The following ARFGAP2 variants were observed in gnomAD, a reference collection of about 807,000 sequenced individuals.
The protein encoded by ARFGAP2 is ARF GTPase activating protein 2.
Under a neutral mutation model 71.9 loss-of-function variants are expected in ARFGAP2, and 45 were observed. The observed-to-expected ratio is 0.63, with a 90% confidence interval of 0.49 to 0.80. The LOEUF (loss-of-function observed/expected upper bound fraction) is 0.80. ARFGAP2 is among the 30% of genes least tolerant of loss of function. ARFGAP2 has a pLI of 0.00. For synonymous variants in ARFGAP2, 248 were observed against 249.2 expected, an observed-to-expected ratio of 1.00 and a Z score of 0.05; for missense variants, 633 against 673.9, an observed-to-expected ratio of 0.94 and a Z score of 0.67.
At chr11:47,173,291 C>G in intron 7 of ARFGAP2, 135 bp downstream of exon 7, 1 of 1,037,530 alleles carries the variant, frequency 9.6e-7, no homozygotes. Flanking sequence ...ATCACAGTCC[C>G]CACTCCAGAG....
intron 2 of ARFGAP2, 24 bp from the exon 3 acceptor site, chr11:47,175,947 C>A (rs1952796533): frequency 6.2e-7 from 1 of 1,612,746 alleles, no homozygotes; most frequent in South Asian, 1.1e-5. Flanking sequence ...CTGCGTCTCA[C>A]CCACTAGCAG....
chr11:47,165,421 C>T lies in ARFGAP2; in HGVS notation c.*61G>A, dbSNP rs1214952878. ...CTTCCACAAGGCAAAGCATCCCCAG[C>T]CTGGGAACTGTGGAGTTCTTGTTGC... On this transcript the variant is annotated 3_prime_UTR_variant, in exon 16 of 16. Transcript: ENST00000524782. 6.5e-7 allele frequency: 1 copy of T among 1,542,544 alleles called. No individual in the cohort carries two copies. The highest frequency in any genetic ancestry group is 1.2e-5 in the South Asian group (1 of 81,440).
chr11:47,171,281 A>AT, intron 10 of ARFGAP2, 145 bp downstream of exon 10: 1 of 1,327,956 alleles, frequency 7.5e-7, no homozygotes, highest in Non-Finnish European at 1.0e-6. Flanking sequence ...CAAGCACTGT[A>AT]TTAGGGACTT....
intron 14 of ARFGAP2, 33 bp from the exon 15 acceptor site, chr11:47,166,419 A>G: frequency 6.2e-7 from 1 of 1,612,366 alleles, no homozygotes; most frequent in Admixed American, 1.7e-5. Flanking sequence ...CCCAGAGCCC[A>G]GCAAGAAGCC....
At chr11:47,175,662 T>G in intron 3 of ARFGAP2, 189 bp downstream of exon 3, 1 of 690,220 alleles carries the variant, frequency 1.4e-6, no homozygotes, top group Non-Finnish European at 2.4e-6. Context: ...CTGCCCAGTT[T>G]AATTGGAATC....
chr11:47,168,409 G>T, intron 10 of ARFGAP2, 158 bp from the exon 11 acceptor site: 1 of 918,820 alleles, frequency 1.1e-6, no homozygotes, highest in African/African-American at 1.7e-5. Flanking sequence ...CCCAACAGAA[G>T]GCTAGCTGTG....
intron 3 of ARFGAP2, chr11:47,175,572 C>G (rs1049284921): frequency 9.5e-6 from 6 of 632,276 alleles, no homozygotes; most frequent in Non-Finnish European, 1.6e-5. Flanking sequence ...CCCAGCCTCC[C>G]CATCCTTCAT....
chr11:47,164,451 A>C lies in ARFGAP2; in HGVS notation c.*1031T>G. ...TGTGTTGCTTGGGAGCCCAACCTAC[A>C]ACCCAAAGGTGGGGGCTGGGCTGAG... On this transcript the variant is annotated 3_prime_UTR_variant, in exon 16 of 16. Transcript: ENST00000524782. The C allele has an allele frequency of 1.9e-6, 1 of 519,330 alleles. No individual in the cohort carries two copies. The highest frequency in any genetic ancestry group is 3.2e-6 in the Non-Finnish European group (1 of 312,192). 32.2% of individuals were successfully genotyped at this position (519,330 alleles called of 1,614,324 possible).
rs138968916 is a variant in ARFGAP2, at chr11:47,173,824, G to A, written c.497C>T (p.Ala166Val). Reference protein sequence around the residue: ...TEHTQPPAWDAPATEPSGTQQ... With the variant: ...TEHTQPPAWDVPATEPSGTQQ... ...GGTCCCTGAAGGCTCAGTGGCTGGC[G>A]CATCCCAGGCAGGGGGCTGAAAAGG... Residue 166 changes from alanine (A) to valine (V), a missense_variant, in exon 6 of 16, where the codon GCG becomes GTG. By Grantham distance (64) the Ala-to-Val change is moderately conservative. Transcript: ENST00000524782. 353 of 1,599,996 alleles carry A rather than the reference G, an allele frequency of 2.2e-4. No homozygotes were observed. The African/African-American group carries it at 4.3e-3, about 20-fold the overall frequency.
rs776297007 is a variant in ARFGAP2 at position 47,176,762 on chromosome 11, C to A, written c.72+20G>T. The A allele has an allele frequency of 6.2e-7, 1 of 1,614,060 alleles. No homozygotes were observed. The highest frequency in any genetic ancestry group is 1.7e-5 in the Admixed American group (1 of 60,026). On this transcript the variant is annotated intron_variant, in intron 1 of 15. Coordinates refer to ENST00000524782, the MANE Select transcript of ARFGAP2 (RefSeq NM_032389.6). ...GGCCCCAGCGGGACGAGAGACTCCG[C>A]GCGCCCCCTGCTCACGCACCTTGTT...
chr11:47,175,332 AGCAGC>A lies in ARFGAP2; in HGVS notation c.265-24_265-20del, dbSNP rs1244265403. 6.8e-6 allele frequency: 11 copies of A among 1,613,886 alleles called. No homozygotes were observed. The highest frequency in any genetic ancestry group is 1.3e-5 in the African/African-American group (1 of 74,922). Reference sequence around the variant, plus strand: ...AAGCCGTCTGGAGAGCAAAGAAGAGAGCAGCGCGTGCTACGGGTGATTCTCAAGAA... The same window carrying A: ...AAGCCGTCTGGAGAGCAAAGAAGAGAGCGTGCTACGGGTGATTCTCAAGAA... On this transcript the variant is annotated intron_variant, in intron 3 of 15. Transcript: ENST00000524782.
chr11:47,174,902 C>G, intron 5 of ARFGAP2, 113 bp downstream of exon 5: 1 of 1,150,720 alleles, frequency 8.7e-7, no homozygotes, highest in Non-Finnish European at 1.3e-6. Flanking sequence ...ACGTGGTGTC[C>G]AAGACATCAC....
chr11:47,175,812 C>G, intron 3 of ARFGAP2, 39 bp downstream of exon 3: 2 of 1,612,844 alleles, frequency 1.2e-6, no homozygotes, highest in Non-Finnish European at 1.7e-6. Context: ...AGTAACCAGG[C>G]AGAAGAATGG....
At chr11:47,176,247 ATG>A in intron 2 of ARFGAP2, 1 of 588,548 alleles carries the variant, frequency 1.7e-6, no homozygotes, top group South Asian at 2.1e-5. Flanking sequence ...AACAAGGTCA[ATG>A]CCTCCCTTTC....
chr11:47,173,020 G>A (rs1590956843), intron 7 of ARFGAP2: 1 of 357,202 alleles, frequency 2.8e-6, no homozygotes, highest in Non-Finnish European at 5.4e-6. Context: ...GACAGGCTGG[G>A]GTACTGGCTG....
chr11:47,172,874 T>G, intron 7 of ARFGAP2: 1 of 937,226 alleles, frequency 1.1e-6, no homozygotes, highest in Non-Finnish European at 1.5e-6. Context: ...TTCTCATGGA[T>G]CAGTCTGACA....
intron 3 of ARFGAP2, 87 bp from the exon 4 acceptor site, chr11:47,175,400 A>G: frequency 6.3e-7 from 1 of 1,589,158 alleles, no homozygotes; most frequent in Non-Finnish European, 8.6e-7. Context: ...TCCTTATGAC[A>G]GCGAAGTTAT....
At position 47,173,361 on chromosome 11, in the gene ARFGAP2, C is replaced by T. The variant is rs772716524; in HGVS notation, c.619+65G>A. On this transcript the variant is annotated intron_variant, in intron 7 of 15. Coordinates refer to ENST00000524782, the MANE Select transcript of ARFGAP2 (RefSeq NM_032389.6). Reference sequence around the variant, plus strand: ...TCCACACGGCCAGGCAGTAGGACCTCTGAAAAGAACATTTGAGGTCCACCC... The same window carrying T: ...TCCACACGGCCAGGCAGTAGGACCTTTGAAAAGAACATTTGAGGTCCACCC... 78 of 1,538,774 alleles carry T rather than the reference C, an allele frequency of 5.1e-5. No individual in the cohort carries two copies. In the South Asian group the frequency reaches 9.0e-4, roughly 18 times the overall value.
At chr11:47,172,380 A>G in intron 7 of ARFGAP2, 47 bp from the exon 8 acceptor site, 1 of 1,597,440 alleles carries the variant, frequency 6.3e-7, no homozygotes, top group Non-Finnish European at 8.6e-7. Context: ...GGCAGCTCAG[A>G]GGCAGTAGCT....
Sources: allele counts gnomAD v4.1 joint callset, GRCh38; gene constraint gnomAD v4.1.1; transcripts MANE v1.5; gene names NCBI Gene and HGNC (gene_info 2026-07-23, HGNC 2026-07-21).